MITF: variants seen among roughly 807,000 people sequenced by gnomAD.
MITF encodes the protein melanocyte inducing transcription factor.
In MITF, 17 loss-of-function variants were observed where a neutral mutation model predicts 60.5. The observed-to-expected ratio is 0.28, with a 90% confidence interval of 0.19 to 0.42. The LOEUF (loss-of-function observed/expected upper bound fraction) is 0.42, where lower values mean the gene tolerates loss of function less well. MITF is among the 10% of genes least tolerant of loss of function. The pLI is 1.00. For synonymous variants in MITF, 260 were observed against 248.5 expected (o/e 1.05, Z -0.43); for missense variants, 622 against 683.5 (o/e 0.91, Z 1.00).
At chr3:69,752,215 T>C (rs1559608713) in intron 1 of MITF, 1 of 152,302 alleles carries the variant, frequency 6.6e-6, no homozygotes, top group East Asian at 1.9e-4. Flanking sequence ...TACAGAAAAT[T>C]GGTGCCAAGA....
At chr3:69,938,514 A>G in intron 3 of MITF, 3 of 1,451,848 alleles carry the variant, frequency 2.1e-6, no homozygotes, top group Non-Finnish European at 2.7e-6. Context: ...AGAATGGAAT[A>G]TGCATGGATG....
chr3:69,909,971 G>A (rs973367218), intron 2 of MITF, among the ~76,000 whole-genome samples: 38 of 152,288 alleles, frequency 2.5e-4, no homozygotes, highest in African/African-American at 8.7e-4. Flanking sequence ...CCAAGATCAT[G>A]GGGAAAATGT....
intron 2 of MITF, among the ~76,000 whole-genome samples, chr3:69,904,081 G>A (rs1352064085): frequency 6.6e-6 from 1 of 151,954 alleles, no homozygotes; most frequent in African/African-American, 2.4e-5. Flanking sequence ...CTAGAAACAA[G>A]GTATTGCCAT....
chr3:69,762,710 T>G (rs1015994807), intron 1 of MITF: 4 of 220,220 alleles, frequency 1.8e-5, no homozygotes, highest in African/African-American at 6.7e-5. Context: ...CTGCCCTGGT[T>G]TATCTCGACA....
At chr3:69,776,989 G>A (rs1317939090) in intron 1 of MITF, among the ~76,000 whole-genome samples, 1 of 152,164 alleles carries the variant, frequency 6.6e-6, no homozygotes, top group African/African-American at 2.4e-5. Flanking sequence ...TAATGTTACT[G>A]TTGGTGTATT....
At chr3:69,819,007 A>C (rs1164752404) in intron 1 of MITF, among the ~76,000 whole-genome samples, 1 of 152,194 alleles carries the variant, frequency 6.6e-6, no homozygotes, top group Non-Finnish European at 1.5e-5. Context: ...AGTGTTCCTC[A>C]GTTCTATCTG....
chr3:69,808,979 C>G (rs1038219053), intron 1 of MITF, among the ~76,000 whole-genome samples: 3 of 151,942 alleles, frequency 2.0e-5, no homozygotes, highest in Non-Finnish European at 2.9e-5. Context: ...TTGCATTAAT[C>G]CAAGTGGGAG....
intron 1 of MITF, among the ~76,000 whole-genome samples, chr3:69,748,002 T>C (rs1026424565): frequency 2.4e-4 from 37 of 152,238 alleles, no homozygotes; most frequent in African/African-American, 6.5e-4. Flanking sequence ...TGACTCCTAG[T>C]CCTGTGTTTC....
At chr3:69,746,082 C>G (rs536453486) in intron 1 of MITF, among the ~76,000 whole-genome samples, 131 of 152,278 alleles carry the variant, frequency 8.6e-4, no homozygotes, top group African/African-American at 3.0e-3. Context: ...TCGTACTATG[C>G]AGATTCGTTT....
rs117350716 is a variant in MITF at position 69,842,270 on chromosome 3, G to A, written c.105-36864G>A. ...AACACACGATGTATAGGAAAAATGG[G>A]GCTAGGAGCACAATGCTAAAAAATT... On this transcript the variant is annotated intron_variant, in intron 1 of 9. Transcript: ENST00000352241. Among the ~76,000 whole-genome samples the A allele has an allele frequency of 7.2e-5, 11 of 152,158 alleles. No individual in the cohort carries two copies. The East Asian group carries it at 2.1e-3, about 29-fold the overall frequency.
chr3:69,938,093 A>C (rs1490550899), intron 3 of MITF, 44 bp downstream of exon 3: 4 of 1,580,500 alleles, frequency 2.5e-6, no homozygotes, highest in Non-Finnish European at 3.5e-6. Context: ...TATGCTAAAT[A>C]ACTTGTCTGT....
intron 1 of MITF, among the ~76,000 whole-genome samples, chr3:69,751,437 A>G (rs11713240): frequency 1 from 152,188 of 152,232 alleles, 76,072 homozygotes; most frequent in Non-Finnish European, 1. Flanking sequence ...GACTGTGAGA[A>G]GGAAGGGCAA....
intron 1 of MITF, among the ~76,000 whole-genome samples, chr3:69,829,073 C>T (rs976203211): frequency 6.6e-6 from 1 of 151,994 alleles, no homozygotes; most frequent in Non-Finnish European, 1.5e-5. Context: ...ATAGAGTGTT[C>T]TGAAATTTTA....
intron 1 of MITF, among the ~76,000 whole-genome samples, chr3:69,836,915 T>C (rs941299372): frequency 2.0e-5 from 3 of 152,144 alleles, no homozygotes; most frequent in Non-Finnish European, 2.9e-5. Flanking sequence ...CCAGGACTGA[T>C]TCCCCCAGCG....
chr3:69,820,075 A>C (rs78208862), intron 1 of MITF, among the ~76,000 whole-genome samples: 1 of 152,230 alleles, frequency 6.6e-6, no homozygotes, highest in African/African-American at 2.4e-5. Flanking sequence ...GACGTACTGT[A>C]TGTGTGAAAT....
At chr3:69,750,038 A>T (rs1461058782) in intron 1 of MITF, among the ~76,000 whole-genome samples, 3 of 152,186 alleles carry the variant, frequency 2.0e-5, no homozygotes, top group African/African-American at 4.8e-5. Flanking sequence ...ACTAAAGTGC[A>T]TGATGTAACG....
chr3:69,779,070 G>A (rs1198700431), intron 1 of MITF: 1 of 152,152 alleles, frequency 6.6e-6, no homozygotes, highest in Admixed American at 6.5e-5. Context: ...ATCATGAAGT[G>A]CAAATATTTG....
At chr3:69,855,798 G>A (rs1455080067) in intron 1 of MITF, among the ~76,000 whole-genome samples, 2 of 152,104 alleles carry the variant, frequency 1.3e-5, no homozygotes, top group Admixed American at 6.5e-5. Flanking sequence ...TTAGAGGAGA[G>A]GTCTTTATAT....
intron 1 of MITF, among the ~76,000 whole-genome samples, chr3:69,857,385 A>C (rs1177644508): frequency 6.6e-6 from 1 of 152,088 alleles, no homozygotes. Context: ...AATAAAAAAG[A>C]TTTGTTTAAT....
Sources: gnomAD v4.1 joint callset for allele counts (sites outside exome capture counted in the v4.1 genomes callset) on GRCh38, gnomAD v4.1.1 for gene constraint, MANE v1.5 for transcripts, NCBI Gene and HGNC (gene_info 2026-07-23, HGNC 2026-07-21) for gene names.